Variants in TP63 observed in about 807,000 individuals in gnomAD.
TP63 encodes the protein tumor protein 63.
A neutral mutation model predicts 82.8 loss-of-function variants in TP63; 17 were observed. The ratio of observed to expected loss-of-function variants is 0.21; its 90% CI spans 0.14 to 0.31. The LOEUF (loss-of-function observed/expected upper bound fraction) is 0.31, where lower values mean the gene tolerates loss of function less well. Among genes scored for constraint, TP63 ranks in the 10% least tolerant of loss-of-function variants. The probability of loss-of-function intolerance (pLI) is 1.00; values close to 1 mark genes in which losing one functional copy is unlikely to be tolerated. For missense variants in TP63, 648 were observed against 895.3 expected (o/e 0.72, Z 3.52); for synonymous variants, 330 against 321.7 (o/e 1.03, Z -0.28).
At chr3:189,761,322 T>C (rs1046360002) in intron 3 of TP63, among the ~76,000 whole-genome samples, 2 of 152,206 alleles carry the variant, frequency 1.3e-5, no homozygotes, top group African/African-American at 4.8e-5. Flanking sequence ...AGCACCCAAG[T>C]CACTTCTTAA....
chr3:189,685,324 C>A lies in TP63; in HGVS notation c.63-52416C>A, dbSNP rs6769332. 5.9e-5 allele frequency among the ~76,000 whole-genome samples: 9 copies of A among 152,060 alleles called. No individual in the cohort carries two copies. The East Asian group carries it at 1.5e-3, about 26-fold the overall frequency. On this transcript the variant is annotated intron_variant, in intron 1 of 13. Coordinates refer to ENST00000264731, the MANE Select transcript of TP63 (RefSeq NM_003722.5). The stretch of plus-strand genomic sequence containing the variant: ...GTCTCTTCTTAGGTTGATGTTTCTC[C>A]CTTTGCCCTGCATTGCAGGTTGTTT...
intron 3 of TP63, among the ~76,000 whole-genome samples, chr3:189,743,861 A>G (rs893484049): frequency 3.3e-5 from 5 of 152,160 alleles, no homozygotes; most frequent in African/African-American, 1.2e-4. Context: ...CACGGTCCAC[A>G]TTACCACCAC....
intron 3 of TP63, among the ~76,000 whole-genome samples, chr3:189,803,943 A>G (rs946180088): frequency 6.6e-6 from 1 of 152,116 alleles, no homozygotes; most frequent in African/African-American, 2.4e-5. Flanking sequence ...CCATTCACTC[A>G]TTATTTGGGT....
intron 3 of TP63, among the ~76,000 whole-genome samples, chr3:189,757,469 C>G (rs1365486279): frequency 6.6e-6 from 1 of 152,128 alleles, no homozygotes; most frequent in Non-Finnish European, 1.5e-5. Context: ...GTTCTGATAA[C>G]TGAGATAAGG....
At chr3:189,807,874 C>G (rs1011404747) in intron 3 of TP63, among the ~76,000 whole-genome samples, 4 of 152,178 alleles carry the variant, frequency 2.6e-5, no homozygotes, top group African/African-American at 9.7e-5. Context: ...TGGTCTTTCT[C>G]ATTTTGTGTA....
At chr3:189,709,927 G>A (rs949658996) in intron 1 of TP63, among the ~76,000 whole-genome samples, 1 of 151,920 alleles carries the variant, frequency 6.6e-6, no homozygotes, top group Admixed American at 6.6e-5. Flanking sequence ...ATACTTTTTA[G>A]GAATATTTTA....
At position 189,846,723 on chromosome 3, in the gene TP63, A is replaced by G. The variant is rs1224062102; in HGVS notation, c.580-17509A>G. Among the ~76,000 whole-genome samples the G allele has an allele frequency of 3.9e-4, 42 of 107,786 alleles. 1 individual carries two copies. The highest frequency in any genetic ancestry group is 0.012 in the Middle Eastern group (1 of 82). 70.7% of individuals were successfully genotyped at this position (107,786 alleles called of 152,430 possible). On this transcript the variant is annotated intron_variant, in intron 4 of 13. Transcript: ENST00000264731. ...TTTTTTTTTGAGACAGTCTCACTCT[A>G]TTGCCCAGGCTGTAGTGCAATGGTG...
At chr3:189,704,778 G>A (rs1718078874) in intron 1 of TP63, among the ~76,000 whole-genome samples, 3 of 152,150 alleles carry the variant, frequency 2.0e-5, no homozygotes, top group Admixed American at 6.5e-5. Context: ...ACTGAATTTT[G>A]TTTCCTTAGA....
the TP63 span, among the ~76,000 whole-genome samples, chr3:189,620,755 A>G: frequency 6.6e-6 from 1 of 152,196 alleles, no homozygotes; most frequent in African/African-American, 2.4e-5. Context: ...GCCTCAATAA[A>G]TGTGACAGCA....
intron 1 of TP63, among the ~76,000 whole-genome samples, chr3:189,705,445 TTTC>T (rs1446127270): frequency 1.3e-5 from 2 of 152,162 alleles, no homozygotes; most frequent in Admixed American, 1.3e-4. Flanking sequence ...TATTCATTTC[TTTC>T]TTTTCTTTTT....
At chr3:189,641,713 A>G (rs889123692) in intron 1 of TP63, among the ~76,000 whole-genome samples, 1 of 152,144 alleles carries the variant, frequency 6.6e-6, no homozygotes, top group East Asian at 1.9e-4. Context: ...TTTGTTATTA[A>G]TTAAGAATGT....
Position 189,701,522 on chromosome 3 carries a change from C to CATATAT in TP63, c.63-36199_63-36194dup, listed in dbSNP as rs35031313. ...TCAGTAATGTGAGGAGATATATATA[C>CATATAT]ATATATATATATATATATATATATG... On this transcript the variant is annotated intron_variant, in intron 1 of 13. Transcript: ENST00000264731. 8.5e-3 allele frequency among the ~76,000 whole-genome samples: 1,158 copies of CATATAT among 136,722 alleles called. 20 individuals are homozygous for CATATAT. The highest frequency in any genetic ancestry group is 0.028 in the African/African-American group (1,061 of 38,022). 89.7% of individuals were successfully genotyped at this position (136,722 alleles called of 152,430 possible).
At chr3:189,799,239 C>T (rs1726034229) in intron 3 of TP63, among the ~76,000 whole-genome samples, 1 of 152,016 alleles carries the variant, frequency 6.6e-6, no homozygotes, top group East Asian at 1.9e-4. Flanking sequence ...CATACAATCA[C>T]AAACTGTTAA....
chr3:189,830,271 C>T (rs142470427), intron 4 of TP63, among the ~76,000 whole-genome samples: 6 of 152,182 alleles, frequency 3.9e-5, no homozygotes, highest in African/African-American at 1.4e-4. Flanking sequence ...GTTCCTGATA[C>T]AAAAGATTGA....
intron 1 of TP63, among the ~76,000 whole-genome samples, chr3:189,662,894 A>G (rs1233279515): frequency 6.6e-6 from 1 of 152,048 alleles, no homozygotes; most frequent in Non-Finnish European, 1.5e-5. Context: ...TTTGATCACT[A>G]ATTATTTATA....
chr3:189,667,362 A>G (rs1034018889), intron 1 of TP63, among the ~76,000 whole-genome samples: 3 of 151,878 alleles, frequency 2.0e-5, no homozygotes, highest in African/African-American at 7.3e-5. Flanking sequence ...TTTAGTAGAG[A>G]CAGGGTTTCA....
chr3:189,830,862 G>T (rs914661584), intron 4 of TP63, among the ~76,000 whole-genome samples: 2 of 152,224 alleles, frequency 1.3e-5, no homozygotes, highest in African/African-American at 4.8e-5. Flanking sequence ...GAATGAATAT[G>T]TAAAGGGAGA....
chr3:189,889,974 T>C (rs1218168155), intron 12 of TP63, among the ~76,000 whole-genome samples: 1 of 152,210 alleles, frequency 6.6e-6, no homozygotes, highest in Non-Finnish European at 1.5e-5. Context: ...TGGCCTTTAC[T>C]ACTCTGCCTA....
At chr3:189,645,333 C>T in intron 1 of TP63, 1 of 520,304 alleles carries the variant, frequency 1.9e-6, no homozygotes. Flanking sequence ...ACTTTCAGAT[C>T]TTTCTTGAAG....
Sources: allele counts gnomAD v4.1 joint callset (sites outside exome capture counted in the v4.1 genomes callset), GRCh38; gene constraint gnomAD v4.1.1; transcripts MANE v1.5; gene names NCBI Gene and HGNC (gene_info 2026-07-23, HGNC 2026-07-21).